Variants in ERN1 observed in about 807,000 individuals in gnomAD.
The protein encoded by ERN1 is serine/threonine-protein kinase/endoribonuclease IRE1.
Under a neutral mutation model 113.1 loss-of-function variants are expected in ERN1, and 39 were observed. That is an observed-to-expected ratio of 0.34 (90% CI 0.27 to 0.45). ERN1 has a LOEUF of 0.45. Among genes scored for constraint, ERN1 ranks in the 20% least tolerant of loss-of-function variants. ERN1 has a pLI of 1.00. For synonymous variants in ERN1, 507 were observed against 515.9 expected (o/e 0.98, Z 0.23); for missense variants, 976 against 1,274.8 (o/e 0.77, Z 3.57).
At position 64,119,387 on chromosome 17, in the gene ERN1, T is replaced by G. The variant is rs1296628159; in HGVS notation, c.54+10589A>C. Among the ~76,000 whole-genome samples, 1,240 of 137,290 alleles carry G rather than the reference T, an allele frequency of 9.0e-3. 39 individuals are homozygous for G. Among genetic ancestry groups the G allele is most frequent in the African/African-American group, 0.032 (1,146 of 35,762 alleles). The allele number at this position is 137,290 out of a possible 152,430, so 90.1% of individuals were successfully genotyped here. ...TCCTTTTTTTCTAGGTTTTTTTTTT[T>G]TTTTTTTTTTTTTTTTTTGAGATTG... On this transcript the variant is annotated intron_variant, in intron 1 of 21. Coordinates refer to ENST00000433197, the MANE Select transcript of ERN1 (RefSeq NM_001433.5).
intron 4 of ERN1, among the ~76,000 whole-genome samples, chr17:64,079,147 G>A (rs904332580): frequency 2.0e-5 from 3 of 152,026 alleles, no homozygotes; most frequent in African/African-American, 7.2e-5. Flanking sequence ...CAATTAAATC[G>A]GGACCTTCTG....
chr17:64,053,195 G>A (rs962437211), intron 16 of ERN1, 77 bp downstream of exon 16: 13 of 1,240,594 alleles, frequency 1.0e-5, no homozygotes, highest in East Asian at 2.4e-5. Context: ...AGGCCCACCC[G>A]AGCTACTGGT....
intron 18 of ERN1, among the ~76,000 whole-genome samples, chr17:64,048,649 T>G (rs1011678821): frequency 5.9e-5 from 9 of 152,298 alleles, no homozygotes; most frequent in Non-Finnish European, 1.3e-4. Flanking sequence ...AAAGCTTGTC[T>G]GTCCCCAGCC....
In ERN1 at chr17:64,044,281, G is replaced by A; in HGVS notation, c.2722-81C>T. The A allele has an allele frequency of 1.0e-6, 1 of 980,848 alleles. No homozygotes were observed. Among genetic ancestry groups the A allele is most frequent in the Non-Finnish European group, 1.5e-6 (1 of 681,616 alleles). 60.8% of individuals were successfully genotyped at this position (980,848 alleles called of 1,614,324 possible). On this transcript the variant is annotated intron_variant, in intron 21 of 21. Coordinates refer to ENST00000433197, the MANE Select transcript of ERN1 (RefSeq NM_001433.5). This position sits in a 1 kb window ranked among gnomAD's most constrained non-coding sequence, Gnocchi z 4.1. ...TGTTGGCAAAACACCCTTTCATCAT[G>A]CAAGGAAGAGACAGAATGTGAGTGT...
rs73992913 is a variant in ERN1, at chr17:64,071,268, A to G, written c.478+713T>C. On this transcript the variant is annotated intron_variant, in intron 6 of 21. Coordinates refer to ENST00000433197, the MANE Select transcript of ERN1 (RefSeq NM_001433.5). ...AGGCTGCAGAAGAGGCTTCACAGAG[A>G]AGGTGACTTTTGAGTACAGTTGTGA... Among the ~76,000 whole-genome samples, 376 of 152,274 alleles carry G rather than the reference A, an allele frequency of 2.5e-3. 4 individuals are homozygous for G. Among genetic ancestry groups the G allele is most frequent in the African/African-American group, 8.2e-3 (339 of 41,542 alleles).
In ERN1 at chr17:64,045,351, A is replaced by G; in HGVS notation, c.2653+8T>C. On this transcript the variant is annotated splice_region_variant and intron_variant, in intron 20 of 21. Transcript: ENST00000433197. ...AACCTGCCCTCTCACACGCTGCAGC[A>G]TGATCACCTGTCTGGAGGGGGACAG... 14 of 1,613,824 alleles carry G rather than the reference A, an allele frequency of 8.7e-6. No homozygotes were observed. The highest frequency in any genetic ancestry group is 1.2e-5 in the Non-Finnish European group (14 of 1,179,876).
intron 2 of ERN1, among the ~76,000 whole-genome samples, chr17:64,093,089 G>T (rs1407114451): frequency 1.3e-5 from 2 of 151,720 alleles, no homozygotes; most frequent in South Asian, 2.1e-4. Context: ...ACTACAACAC[G>T]TTTGGCTGAG....
intron 6 of ERN1, among the ~76,000 whole-genome samples, chr17:64,070,782 G>A (rs949006980): frequency 1.3e-5 from 2 of 151,996 alleles, no homozygotes; most frequent in Non-Finnish European, 2.9e-5. Context: ...AATGTTTTTT[G>A]TTTCTCCTTT....
intron 1 of ERN1, among the ~76,000 whole-genome samples, chr17:64,104,589 C>T (rs187825104): frequency 1.8e-4 from 28 of 152,292 alleles, no homozygotes; most frequent in Admixed American, 3.9e-4. Flanking sequence ...GAGGCCCAGG[C>T]AGGTGGATCA....
intron 18 of ERN1, among the ~76,000 whole-genome samples, chr17:64,048,445 G>C (rs943558105): frequency 6.6e-6 from 1 of 152,130 alleles, no homozygotes; most frequent in African/African-American, 2.4e-5. Flanking sequence ...CTGTATAATG[G>C]GAATATATGG....
At chr17:64,056,994 C>T (rs1029364172) in intron 12 of ERN1, among the ~76,000 whole-genome samples, 4 of 152,132 alleles carry the variant, frequency 2.6e-5, no homozygotes, top group Admixed American at 1.3e-4. Flanking sequence ...GGACCATGCC[C>T]CTCACATATT....
At chr17:64,128,056 C>T (rs1032673409) in intron 1 of ERN1, among the ~76,000 whole-genome samples, 1 of 151,370 alleles carries the variant, frequency 6.6e-6, no homozygotes, top group African/African-American at 2.4e-5. Context: ...GGCTGGAGCA[C>T]AGTGACTCCA....
chr17:64,044,173 C>A lies in ERN1; in HGVS notation c.2749G>T (p.Glu917Ter). 1 of 1,575,334 alleles carries A rather than the reference C, an allele frequency of 6.3e-7. No individual in the cohort carries two copies. The highest frequency in any genetic ancestry group is 1.2e-5 in the South Asian group (1 of 86,064). The change falls in exon 22 of 22, where the codon GAG (glutamate) becomes TAG (stop). Residue 917 changes from glutamate (E) to a stop codon, truncating the protein, a stop_gained. Coordinates refer to ENST00000433197, the MANE Select transcript of ERN1 (RefSeq NM_001433.5). LOFTEE classifies it high-confidence loss of function. The surrounding 1 kb of genome is among the most constrained non-coding windows in gnomAD (Gnocchi z 4.1). ...KKHHYRELPA[E>*]VRETLGSLPD... ...AGGGACCCCAGCGTCTCCCGCACCTCTGCAGGCAGCTCCCGGTAGTGGTGC... is the reference window on the plus strand; with the variant it reads ...AGGGACCCCAGCGTCTCCCGCACCTATGCAGGCAGCTCCCGGTAGTGGTGC...
At chr17:64,065,673 C>T (rs1354565068) in intron 8 of ERN1, among the ~76,000 whole-genome samples, 1 of 151,584 alleles carries the variant, frequency 6.6e-6, no homozygotes, top group Non-Finnish European at 1.5e-5. Flanking sequence ...AGCGATCACT[C>T]CAGCGACCAC....
Position 64,044,024 on chromosome 17 carries a change from T to TG in ERN1, c.2897dup (p.Glu967ArgfsTer36). ...CTGGAGTCACTGGGGGCTGGGGCTC[T>TG]GGGGGCTCGTGGAAGTAGTAGGGCT... On this transcript the variant is annotated frameshift_variant, in exon 22 of 22. Transcript: ENST00000433197. LOFTEE classifies it high-confidence loss of function. This position sits in a 1 kb window ranked among gnomAD's most constrained non-coding sequence, Gnocchi z 4.1. 6.2e-7 allele frequency: 1 copy of TG among 1,613,022 alleles called. No individual in the cohort carries two copies.
intron 1 of ERN1, among the ~76,000 whole-genome samples, chr17:64,112,021 C>A (rs533582875): frequency 6.6e-6 from 1 of 152,206 alleles, no homozygotes; most frequent in South Asian, 2.1e-4. Context: ...TGCTAGGAGA[C>A]AATCAGGAAT....
intron 1 of ERN1, among the ~76,000 whole-genome samples, chr17:64,113,238 G>A (rs527999860): frequency 1.3e-5 from 2 of 152,296 alleles, no homozygotes; most frequent in Non-Finnish European, 2.9e-5. Context: ...GTGCAGCTGT[G>A]TGGATGTTTG....
At chr17:64,081,151 G>A (rs1443757875) in intron 2 of ERN1, among the ~76,000 whole-genome samples, 1 of 152,184 alleles carries the variant, frequency 6.6e-6, no homozygotes, top group African/African-American at 2.4e-5. Context: ...AGGGGTCAGA[G>A]CATCACTATC....
intron 4 of ERN1, among the ~76,000 whole-genome samples, chr17:64,078,419 C>T (rs1389783867): frequency 1.3e-5 from 2 of 152,092 alleles, no homozygotes; most frequent in Non-Finnish European, 2.9e-5. Context: ...GTGTATACTA[C>T]AAATACTTTG....
Sources: allele counts gnomAD v4.1 joint callset (sites outside exome capture counted in the v4.1 genomes callset), GRCh38; gene constraint gnomAD v4.1.1; non-coding constraint Gnocchi (gnomAD v3.1); transcripts MANE v1.5; gene names NCBI Gene and HGNC (gene_info 2026-07-23, HGNC 2026-07-21).